RAB3IL1: variants seen among roughly 807,000 people sequenced by gnomAD.
RAB3IL1 encodes the protein RAB3A interacting protein like 1.
In RAB3IL1, 37 loss-of-function variants were observed where a neutral mutation model predicts 49.2. That is an observed-to-expected ratio of 0.75 (90% CI 0.58 to 0.99). The LOEUF is 0.99. RAB3IL1 is among the 50% of genes least tolerant of loss of function. RAB3IL1 has a pLI of 0.00. For synonymous variants in RAB3IL1, 193 were observed against 213.9 expected (o/e 0.90, Z 0.85); for missense variants, 484 against 513.0 (o/e 0.94, Z 0.55).
intron 5 of RAB3IL1, among the ~76,000 whole-genome samples, chr11:61,905,963 G>A (rs983119923): frequency 3.9e-5 from 6 of 152,166 alleles, no homozygotes; most frequent in Non-Finnish European, 8.8e-5. Context: ...GAGGTGGGAC[G>A]GAGACACCTC....
intron 1 of RAB3IL1, among the ~76,000 whole-genome samples, chr11:61,912,655 T>C (rs1207898349): frequency 1.3e-5 from 2 of 151,972 alleles, no homozygotes; most frequent in Non-Finnish European, 2.9e-5. Flanking sequence ...AGTGGCAGGA[T>C]GGGAACTGAA....
intron 4 of RAB3IL1, 49 bp downstream of exon 4, chr11:61,907,344 G>A: frequency 6.3e-7 from 1 of 1,591,262 alleles, no homozygotes; most frequent in Non-Finnish European, 8.6e-7. Flanking sequence ...TGAGCCGGGA[G>A]GCAGGGGGGG....
At chr11:61,936,240 T>C in the RAB3IL1 span, among the ~76,000 whole-genome samples, 1 of 152,150 alleles carries the variant, frequency 6.6e-6, no homozygotes, top group Admixed American at 6.5e-5. Flanking sequence ...GACAGAATAT[T>C]TGAAGAAATA....
At chr11:61,938,370 A>G in the RAB3IL1 span, among the ~76,000 whole-genome samples, 2 of 152,350 alleles carry the variant, frequency 1.3e-5, no homozygotes, top group African/African-American at 4.8e-5. Context: ...AGCTTGAGTG[A>G]CAAGGGACTC....
rs372593780 is a variant in RAB3IL1, at chr11:61,899,315, G to A, written c.1065C>T (p.Asp355=). 3.1e-5 allele frequency: 49 copies of A among 1,605,806 alleles called. No homozygotes were observed. The highest frequency in any genetic ancestry group is 3.6e-5 in the Non-Finnish European group (42 of 1,179,516). The change falls in exon 9 of 10, where the codon GAC becomes GAT. Residue 355 remains aspartate, a splice_region_variant and synonymous_variant. Transcript: ENST00000394836. ...RYIQQGLVRQ[D]AEPMFWEIMR... Reference sequence around the variant, plus strand: ...CACCGGCCACCAGGGGGCGCTCACCGTCCTGCCGCACCAGGCCTTGCTGGA... The same window carrying A: ...CACCGGCCACCAGGGGGCGCTCACCATCCTGCCGCACCAGGCCTTGCTGGA...
At chr11:61,922,382 G>C (rs1939928558), upstream of RAB3IL1, among the ~76,000 whole-genome samples, 3 of 150,362 alleles carry the variant, frequency 2.0e-5, no homozygotes, top group Non-Finnish European at 4.4e-5. Flanking sequence ...ATTAGCCGGG[G>C]GTGGTGGCGC....
intron 1 of RAB3IL1, among the ~76,000 whole-genome samples, chr11:61,909,495 G>A (rs889206325): frequency 6.6e-6 from 1 of 152,210 alleles, no homozygotes; most frequent in Admixed American, 6.5e-5. Context: ...CACACAGCCC[G>A]GTCCAGCTGC....
the RAB3IL1 span, among the ~76,000 whole-genome samples, chr11:61,931,048 T>A: frequency 6.6e-6 from 1 of 152,142 alleles, no homozygotes; most frequent in Non-Finnish European, 1.5e-5. Context: ...CAGCAAAACA[T>A]CAGGAGCTGG....
At chr11:61,930,639 G>A in the RAB3IL1 span, among the ~76,000 whole-genome samples, 5 of 152,028 alleles carry the variant, frequency 3.3e-5, no homozygotes, top group South Asian at 4.2e-4. Context: ...TTAGCCAGGC[G>A]TGGTGGTGCA....
chr11:61,929,770 G>A, the RAB3IL1 span, among the ~76,000 whole-genome samples: 1 of 151,238 alleles, frequency 6.6e-6, no homozygotes, highest in African/African-American at 2.4e-5. Flanking sequence ...TATTTTAGTA[G>A]AGACGGGGTT....
rs1217673081 is a variant in RAB3IL1 at position 61,906,430 on chromosome 11, C to A, written c.657+36G>T. ...CCCTGCCTACCGCAGGCACTGCCAC[C>A]CTTCCCCGTGCCCAGAGCCCGCTTC... On this transcript the variant is annotated intron_variant, in intron 5 of 9. Coordinates refer to ENST00000394836, the MANE Select transcript of RAB3IL1 (RefSeq NM_013401.4). The surrounding 1 kb of genome is among the most constrained non-coding windows in gnomAD (Gnocchi z 4.6). 6.6e-7 allele frequency: 1 copy of A among 1,523,812 alleles called. No individual in the cohort carries two copies. Among genetic ancestry groups the A allele is most frequent in the Non-Finnish European group, 8.8e-7 (1 of 1,134,336 alleles). The allele number at this position is 1,523,812 out of a possible 1,614,324, so 94.4% of individuals were successfully genotyped here.
the RAB3IL1 span, among the ~76,000 whole-genome samples, chr11:61,935,096 A>G: frequency 6.6e-6 from 1 of 152,208 alleles, no homozygotes; most frequent in African/African-American, 2.4e-5. Flanking sequence ...TCAAAGAAAC[A>G]AGAGAGCATA....
rs367986156 is a variant in RAB3IL1 at position 61,910,020 on chromosome 11, AAAAC to A, written c.12-1718_12-1715del. Among the ~76,000 whole-genome samples, 1,023 of 152,308 alleles carry A rather than the reference AAAAC, an allele frequency of 6.7e-3. 9 individuals are homozygous for A. The highest frequency in any genetic ancestry group is 0.023 in the African/African-American group (936 of 41,546). On this transcript the variant is annotated intron_variant, in intron 1 of 9. Transcript: ENST00000394836. Reference sequence around the variant, plus strand: ...GGGTGACAGAGCGAAACTCTGTCTCAAAACAAACAAACAAACATAAAACTCTCTC... The same window carrying A: ...GGGTGACAGAGCGAAACTCTGTCTCAAAACAAACAAACATAAAACTCTCTC...
At chr11:61,915,759 C>T (rs1010075545) in intron 1 of RAB3IL1, among the ~76,000 whole-genome samples, 15 of 152,244 alleles carry the variant, frequency 9.9e-5, no homozygotes, top group Admixed American at 8.5e-4. Flanking sequence ...AAGCCCAGGC[C>T]GGGTGCAGTG....
At chr11:61,907,684 T>C (rs1212339639) in intron 2 of RAB3IL1, 24 bp from the exon 3 acceptor site, 3 of 1,609,448 alleles carry the variant, frequency 1.9e-6, no homozygotes, top group Non-Finnish European at 8.5e-7. Context: ...GGCAGGCACT[T>C]GAGCACCTCA....
At chr11:61,926,621 T>A in the RAB3IL1 span, among the ~76,000 whole-genome samples, 1 of 152,176 alleles carries the variant, frequency 6.6e-6, no homozygotes, top group Admixed American at 6.5e-5. Flanking sequence ...TGCCGCCATC[T>A]CAGCTCACTG....
chr11:61,920,309 G>A, upstream of RAB3IL1: 1 of 1,214,116 alleles, frequency 8.2e-7, no homozygotes, highest in Non-Finnish European at 1.0e-6. Flanking sequence ...CCCCAGAGCA[G>A]CAGCCTGGGA....
chr11:61,918,220 A>T (rs1312324097), upstream of RAB3IL1, among the ~76,000 whole-genome samples: 1 of 151,794 alleles, frequency 6.6e-6, no homozygotes, highest in Non-Finnish European at 1.5e-5. Flanking sequence ...ATCCCAGACG[A>T]CTGGTCTACC....
At position 61,898,017 on chromosome 11, in the gene RAB3IL1, T is replaced by A. The variant is rs1938700833; in HGVS notation, c.*261A>T. ...CCGAGTATGGATCCGAGCTCCCTGG[T>A]CTTTGGTGCTTTCTTGAAATCCTCC... is the stretch of plus-strand genomic sequence containing the variant. On this transcript the variant is annotated 3_prime_UTR_variant, in exon 10 of 10. Coordinates refer to ENST00000394836, the MANE Select transcript of RAB3IL1 (RefSeq NM_013401.4). The surrounding 1 kb of genome is among the most constrained non-coding windows in gnomAD (Gnocchi z 5.1). 3.0e-5 allele frequency: 14 copies of A among 467,904 alleles called. No homozygotes were observed. In the South Asian group the frequency reaches 3.1e-4, roughly 10 times the overall value. The allele number at this position is 467,904 out of a possible 1,614,324, so 29.0% of individuals were successfully genotyped here.
Sources: gnomAD v4.1 joint callset for allele counts (sites outside exome capture counted in the v4.1 genomes callset) on GRCh38, gnomAD v4.1.1 for gene constraint, Gnocchi (gnomAD v3.1) non-coding constraint, MANE v1.5 for transcripts, NCBI Gene and HGNC (gene_info 2026-07-23, HGNC 2026-07-21) for gene names.